WDR41: variants seen among roughly 807,000 people sequenced by gnomAD.
WDR41 encodes WD repeat domain 41.
WDR41 carries 63 observed loss-of-function variants against 69.3 expected under a neutral mutation model. That is an observed-to-expected ratio of 0.91 (90% CI 0.74 to 1.12). The LOEUF (loss-of-function observed/expected upper bound fraction) is 1.12, where lower values mean the gene tolerates loss of function less well. Ranked by LOEUF, WDR41 falls within the 50% of genes most tolerant of loss-of-function variation. The pLI, the probability that WDR41 is intolerant of heterozygous loss-of-function variation, is 0.00. For missense variants in WDR41, 543 were observed against 534.5 expected (o/e 1.02, Z -0.16); for synonymous variants, 185 against 192.1 (o/e 0.96, Z 0.31).
chr5:77,492,335 G>A (rs1801844858), upstream of WDR41: 7 of 1,388,954 alleles, frequency 5.0e-6, no homozygotes, highest in Non-Finnish European at 6.9e-6. Flanking sequence ...AATACTTCCC[G>A]CCCCAGATCA....
chr5:77,589,352 C>A (rs1204708200), intron 1 of WDR41, among the ~76,000 whole-genome samples: 1 of 152,120 alleles, frequency 6.6e-6, no homozygotes, highest in African/African-American at 2.4e-5. Context: ...CAGAGTTATT[C>A]ATTTTAGAAT....
chr5:77,471,685 G>T (rs1800621205), intron 2 of WDR41, among the ~76,000 whole-genome samples: 1 of 152,076 alleles, frequency 6.6e-6, no homozygotes, highest in South Asian at 2.1e-4. Flanking sequence ...AGAAGAAATG[G>T]ATAAGTTCCT....
chr5:77,436,042 T>C (rs75368445), intron 12 of WDR41, among the ~76,000 whole-genome samples: 1 of 152,342 alleles, frequency 6.6e-6, no homozygotes, highest in East Asian at 1.9e-4. Flanking sequence ...ATTAAGACCA[T>C]TCTTAAAAGC....
intron 1 of WDR41, among the ~76,000 whole-genome samples, chr5:77,558,676 C>G (rs1191289785): frequency 6.6e-6 from 1 of 152,160 alleles, no homozygotes; most frequent in East Asian, 1.9e-4. Context: ...AAACATGGTC[C>G]TTGACATGTT....
chr5:77,606,557 C>A (rs953842471), intron 1 of WDR41, among the ~76,000 whole-genome samples: 11 of 152,098 alleles, frequency 7.2e-5, no homozygotes, highest in African/African-American at 2.7e-4. Context: ...AATCCCAGCA[C>A]TTTGAGAGGC....
intron 8 of WDR41, among the ~76,000 whole-genome samples, chr5:77,448,801 G>A (rs1799503883): frequency 6.6e-6 from 1 of 152,092 alleles, no homozygotes; most frequent in Non-Finnish European, 1.5e-5. Flanking sequence ...CCGGGGGGCA[G>A]AGGTTGCAGT....
chr5:77,566,880 C>T (rs536958777), intron 1 of WDR41, among the ~76,000 whole-genome samples: 39 of 152,150 alleles, frequency 2.6e-4, no homozygotes, highest in African/African-American at 9.4e-4. Flanking sequence ...TGAGGGGCAC[C>T]AGAAGTCACT....
Position 77,431,376 on chromosome 5 carries a change from ATAAAG to A in WDR41, c.*1754_*1758del, listed in dbSNP as rs969685986. 7.2e-5 allele frequency: 11 copies of A among 152,258 alleles called. No homozygotes were observed. The highest frequency in any genetic ancestry group is 2.7e-4 in the African/African-American group (11 of 41,464). 9.4% of individuals were successfully genotyped at this position (152,258 alleles called of 1,614,324 possible). A position where few individuals can be genotyped will look rare whatever the true frequency, so the allele number is the denominator to read the frequency against. On this transcript the variant is annotated 3_prime_UTR_variant, in exon 13 of 13. Coordinates refer to ENST00000296679, the MANE Select transcript of WDR41 (RefSeq NM_018268.4). ...AGATGATTGTTAGCATTTTTTAGCA[ATAAAG>A]TATTCTTAAGGTATGTACATTTTTT... is the stretch of plus-strand genomic sequence containing the variant.
At chr5:77,546,273 T>TA in intron 1 of WDR41, 1 of 339,658 alleles carries the variant, frequency 2.9e-6, no homozygotes, top group Non-Finnish European at 5.3e-6. Flanking sequence ...ATAGAGTTTT[T>TA]ATACAAGAAA....
At chr5:77,532,217 A>G (rs1444413819) in intron 1 of WDR41, among the ~76,000 whole-genome samples, 4 of 152,104 alleles carry the variant, frequency 2.6e-5, no homozygotes, top group Non-Finnish European at 5.9e-5. Context: ...TAGTGCGTAT[A>G]CAGGTGTTCA....
At position 77,557,594 on chromosome 5, in the gene WDR41, A is replaced by G. The variant is rs116933083; in HGVS notation, c.42+62885T>C. Among the ~76,000 whole-genome samples the G allele has an allele frequency of 1.1e-3, 162 of 152,316 alleles. 4 individuals carry two copies. The East Asian group carries it at 0.03, about 28-fold the overall frequency. ...GCGTGAGCCACTAGAACACTTGTAC[A>G]CTTCTCATGGCAGTAGGAATCAGTA... On this transcript the variant is annotated intron_variant, in intron 1 of 5. Transcript: ENST00000509971.
In WDR41 at chr5:77,501,360, C is replaced by G. The variant is rs527311040; in HGVS notation, c.43-11788G>C. ...CATTGCTGAGGCTTGAGTAGGTAAA[C>G]AAAGCAGCCGGGAAGCTCGAACTGG... On this transcript the variant is annotated intron_variant, in intron 1 of 5. Transcript: ENST00000509971. 4.6e-5 allele frequency among the ~76,000 whole-genome samples: 7 copies of G among 152,368 alleles called. No homozygotes were observed. In the South Asian group the frequency reaches 1.2e-3, roughly 27 times the overall value.
At chr5:77,434,409 A>G (rs1798857866) in intron 12 of WDR41, among the ~76,000 whole-genome samples, 1 of 152,282 alleles carries the variant, frequency 6.6e-6, no homozygotes, top group East Asian at 1.9e-4. Flanking sequence ...GGGAGGAAAC[A>G]TGGGAGCAGA....
chr5:77,615,258 T>C (rs1325183367), intron 1 of WDR41, among the ~76,000 whole-genome samples: 1 of 152,236 alleles, frequency 6.6e-6, no homozygotes, highest in Non-Finnish European at 1.5e-5. Flanking sequence ...ATTTTTGAAA[T>C]AGTCAAATAA....
intron 7 of WDR41, among the ~76,000 whole-genome samples, chr5:77,450,415 T>C (rs1799578828): frequency 6.6e-6 from 1 of 152,238 alleles, no homozygotes; most frequent in Non-Finnish European, 1.5e-5. Context: ...ATCATACAGT[T>C]CTTCTGACTA....
intron 6 of WDR41, among the ~76,000 whole-genome samples, chr5:77,453,610 C>T (rs179815): frequency 0.59 from 89,946 of 152,004 alleles, 28,442 homozygotes; most frequent in African/African-American, 0.81. Context: ...AAGGTTGTTC[C>T]TGAGTGGAGT....
chr5:77,599,120 C>T (rs904538819), intron 1 of WDR41, among the ~76,000 whole-genome samples: 8 of 139,764 alleles, frequency 5.7e-5, no homozygotes, highest in Non-Finnish European at 9.2e-5. Context: ...CTAAAACATA[C>T]GTTTTTTTTT....
chr5:77,610,347 T>A (rs1744521860), intron 1 of WDR41, among the ~76,000 whole-genome samples: 1 of 152,022 alleles, frequency 6.6e-6, no homozygotes, highest in African/African-American at 2.4e-5. Flanking sequence ...CCAAGACACA[T>A]AATTGTCAGA....
intron 1 of WDR41, among the ~76,000 whole-genome samples, chr5:77,557,172 G>A (rs1169842637): frequency 6.6e-6 from 1 of 152,082 alleles, no homozygotes; most frequent in Non-Finnish European, 1.5e-5. Context: ...GGTAGTGAAA[G>A]ATTTACTAGA....
Sources: gnomAD v4.1 joint callset for allele counts (sites outside exome capture counted in the v4.1 genomes callset) on GRCh38, gnomAD v4.1.1 for gene constraint, MANE v1.5 for transcripts, NCBI Gene and HGNC (gene_info 2026-07-23, HGNC 2026-07-21) for gene names.